The following IGDCC3 variants were observed in gnomAD, a reference collection of about 807,000 sequenced individuals.
IGDCC3 encodes putative neuronal cell adhesion molecule.
Under a neutral mutation model 72.0 loss-of-function variants are expected in IGDCC3, and 47 were observed. The ratio of observed to expected loss-of-function variants is 0.65; its 90% CI spans 0.52 to 0.83. The LOEUF (loss-of-function observed/expected upper bound fraction) is 0.83. IGDCC3 is among the 40% of genes least tolerant of loss of function. The pLI, the probability that IGDCC3 is intolerant of heterozygous loss-of-function variation, is 0.00. For synonymous variants in IGDCC3, 477 were observed against 472.8 expected, an observed-to-expected ratio of 1.01 and a Z score of -0.11; for missense variants, 1,038 against 1,091.3, an observed-to-expected ratio of 0.95 and a Z score of 0.69.
Position 65,329,559 on chromosome 15 carries a change from G to C in IGDCC3, c.2036C>G (p.Pro679Arg). 1 of 1,611,680 alleles carries C rather than the reference G, an allele frequency of 6.2e-7. No individual in the cohort carries two copies. Among genetic ancestry groups the C allele is most frequent in the South Asian group, 1.1e-5 (1 of 90,794 alleles). The change falls in exon 13 of 14, where the codon CCT becomes CGT. Residue 679 changes from proline to arginine, a missense_variant. Transcript: ENST00000327987. The surrounding 1 kb of genome is among the most constrained non-coding windows in gnomAD (Gnocchi z 4.1). ...LCKDVENQLS[P>R]PQGPRSQRDP... ...CCTCTGGCTCCGGGGACCCTGTGGA[G>C]GGGACAGCTGGTTTTCCACATCTTT...
chr15:65,333,714 G>A (rs1453328184), intron 5 of IGDCC3, among the ~76,000 whole-genome samples: 3 of 152,212 alleles, frequency 2.0e-5, no homozygotes, highest in African/African-American at 4.8e-5. Flanking sequence ...GTCTTAGATT[G>A]ACGTTTCCCA....
At chr15:65,335,446 G>GCCAC in intron 3 of IGDCC3, 25 bp from the exon 4 acceptor site, 1 of 1,592,972 alleles carries the variant, frequency 6.3e-7, no homozygotes, top group Non-Finnish European at 8.5e-7. Context: ...GACATAGTTG[G>GCCAC]CCACCAGCAC....
chr15:65,358,612 G>A (rs2091241152), intron 2 of IGDCC3, among the ~76,000 whole-genome samples: 1 of 152,106 alleles, frequency 6.6e-6, no homozygotes, highest in Admixed American at 6.5e-5. Flanking sequence ...AAAGCAAGAG[G>A]AGCCTCCGGG....
chr15:65,329,399 G>T lies in IGDCC3; in HGVS notation c.2196C>A (p.Pro732=). Residue 732 remains proline, a synonymous_variant, in exon 13 of 14, where the codon CCC becomes CCA. Coordinates refer to ENST00000327987, the MANE Select transcript of IGDCC3 (RefSeq NM_004884.4). The surrounding 1 kb of genome is among the most constrained non-coding windows in gnomAD (Gnocchi z 4.1). ...AGACATGGGCACTCACTGTGGGTCT[G>T]GGGTCCGGCTGCCCTGCTGCGCTGG... ...PPASAAGQPD[P]RPTQDPAAPA... is the part of the protein sequence containing the mutation. 1 of 1,587,168 alleles carries T rather than the reference G, an allele frequency of 6.3e-7. No homozygotes were observed. The highest frequency in any genetic ancestry group is 1.4e-5 in the African/African-American group (1 of 73,420).
rs1296945059 is a variant in IGDCC3, at chr15:65,331,460, T to C, written c.1348A>G (p.Asn450Asp). Residue 450 changes from asparagine to aspartate, a missense_variant, in exon 8 of 14, where the codon AAC becomes GAC. By Grantham distance (23) the Asn-to-Asp change is conservative. Transcript: ENST00000327987. ...ACGTAGCCGATGATCTCCTTGGTGT[T>C]GGCCAGCGGCTCACTCCAGGACACA... ...VRVSWSEPLANTKEIIGYVLH... is the reference protein window; with the variant it reads ...VRVSWSEPLADTKEIIGYVLH... The C allele has an allele frequency of 5.0e-6, 8 of 1,612,986 alleles. No homozygotes were observed. Among genetic ancestry groups the C allele is most frequent in the Non-Finnish European group, 6.8e-6 (8 of 1,179,650 alleles).
intron 2 of IGDCC3, among the ~76,000 whole-genome samples, chr15:65,349,864 A>G (rs1196485437): frequency 3.3e-5 from 5 of 152,234 alleles, no homozygotes; most frequent in Non-Finnish European, 7.3e-5. Flanking sequence ...AAGAAAATAG[A>G]GATGGGCCCA....
intron 9 of IGDCC3, 26 bp from the exon 10 acceptor site, chr15:65,330,767 T>C (rs780038788): frequency 1.3e-6 from 2 of 1,550,572 alleles, no homozygotes; most frequent in Non-Finnish European, 1.8e-6. Context: ...GAGGCCACGA[T>C]GTGAGGACCC....
intron 2 of IGDCC3, among the ~76,000 whole-genome samples, chr15:65,372,794 C>T (rs1053627923): frequency 7.9e-5 from 12 of 152,284 alleles, no homozygotes; most frequent in African/African-American, 2.2e-4. Flanking sequence ...GGAGTTATTA[C>T]GAAGGAGGAA....
At chr15:65,345,020 G>T (rs2091114223) in intron 2 of IGDCC3, among the ~76,000 whole-genome samples, 1 of 152,130 alleles carries the variant, frequency 6.6e-6, no homozygotes, top group African/African-American at 2.4e-5. Context: ...CGAGTATTTG[G>T]CCCTGTTTTC....
Position 65,331,661 on chromosome 15 carries a change from T to G in IGDCC3, c.1149-2A>C. The G allele has an allele frequency of 6.3e-7, 1 of 1,592,314 alleles. No homozygotes were observed. Among genetic ancestry groups the G allele is most frequent in the Non-Finnish European group, 8.6e-7 (1 of 1,165,414 alleles). On this transcript the variant is annotated splice_acceptor_variant, in intron 7 of 13. Coordinates refer to ENST00000327987, the MANE Select transcript of IGDCC3 (RefSeq NM_004884.4). LOFTEE classifies it high-confidence loss of function. ...CCGATTCCAGAAATGGTCAGTGTGC[T>G]GCAGGGGAGAGAGACAGCCTCAGGT... is the stretch of plus-strand genomic sequence containing the variant.
At chr15:65,361,397 G>C (rs917016989) in intron 2 of IGDCC3, among the ~76,000 whole-genome samples, 2 of 151,544 alleles carry the variant, frequency 1.3e-5, no homozygotes, top group African/African-American at 2.4e-5. Context: ...AGCCGCGATC[G>C]TGCTGCTGCA....
intron 2 of IGDCC3, among the ~76,000 whole-genome samples, chr15:65,354,827 G>T (rs921375491): frequency 6.6e-6 from 1 of 152,180 alleles, no homozygotes; most frequent in African/African-American, 2.4e-5. Context: ...TGAAAAGGAA[G>T]AAGGTGAATT....
chr15:65,351,061 G>A (rs1034237240), intron 2 of IGDCC3, among the ~76,000 whole-genome samples: 2 of 152,156 alleles, frequency 1.3e-5, no homozygotes, highest in Non-Finnish European at 2.9e-5. Flanking sequence ...TTTAAACAAG[G>A]TGTAGAAGGT....
chr15:65,360,771 C>T (rs2140163965), intron 2 of IGDCC3, among the ~76,000 whole-genome samples: 1 of 152,200 alleles, frequency 6.6e-6, no homozygotes, highest in Admixed American at 6.5e-5. Context: ...CATCTGGGCC[C>T]TTTCTTTCTT....
At chr15:65,372,510 T>C (rs2091332365) in intron 2 of IGDCC3, among the ~76,000 whole-genome samples, 1 of 152,168 alleles carries the variant, frequency 6.6e-6, no homozygotes, top group Admixed American at 6.5e-5. Flanking sequence ...AACCCCCTGA[T>C]GGAAGGGCGT....
intron 5 of IGDCC3, 105 bp downstream of exon 5, chr15:65,334,623 A>C: frequency 9.4e-7 from 1 of 1,064,596 alleles, no homozygotes; most frequent in Non-Finnish European, 1.3e-6. Context: ...ACAGAGAACA[A>C]ACAGGATTCC....
At chr15:65,342,543 G>A (rs1018201146) in intron 2 of IGDCC3, among the ~76,000 whole-genome samples, 2 of 152,108 alleles carry the variant, frequency 1.3e-5, no homozygotes, top group Admixed American at 6.5e-5. Flanking sequence ...GAAGTCTATC[G>A]GATAGTGCTG....
chr15:65,367,363 AAAAG>A (rs2091293880), intron 2 of IGDCC3, among the ~76,000 whole-genome samples: 2 of 149,414 alleles, frequency 1.3e-5, no homozygotes, highest in African/African-American at 5.0e-5. Flanking sequence ...AAAAAAAAAA[AAAAG>A]AAAAGAAAAA....
intron 2 of IGDCC3, among the ~76,000 whole-genome samples, chr15:65,361,286 A>T (rs572928300): frequency 2.7e-3 from 410 of 151,384 alleles, no homozygotes; most frequent in African/African-American, 9.1e-3. Context: ...ATAATAATAA[A>T]AAAACATTAG....
Sources: gnomAD v4.1 joint callset for allele counts (sites outside exome capture counted in the v4.1 genomes callset) on GRCh38, gnomAD v4.1.1 for gene constraint, Gnocchi (gnomAD v3.1) non-coding constraint, MANE v1.5 for transcripts, NCBI Gene and HGNC (gene_info 2026-07-23, HGNC 2026-07-21) for gene names.